The following IQGAP1 variants were observed in gnomAD, a reference collection of about 807,000 sequenced individuals.
IQGAP1 encodes the protein IQ motif containing GTPase activating protein 1.
IQGAP1 carries 66 observed loss-of-function variants against 215.6 expected under a neutral mutation model. The ratio of observed to expected loss-of-function variants is 0.31; its 90% CI spans 0.25 to 0.38. The LOEUF (loss-of-function observed/expected upper bound fraction) is 0.38. Among genes scored for constraint, IQGAP1 ranks in the 10% least tolerant of loss-of-function variants. IQGAP1 has a pLI of 1.00. For synonymous variants in IQGAP1, 772 were observed against 728.7 expected (o/e 1.06, Z -0.96); for missense variants, 1,712 against 1,997.1 (o/e 0.86, Z 2.72).
chr15:90,419,009 T>G (rs1463369675), intron 2 of IQGAP1, among the ~76,000 whole-genome samples: 1 of 152,036 alleles, frequency 6.6e-6, no homozygotes, highest in African/African-American at 2.4e-5. Flanking sequence ...TAGCCGGGTG[T>G]TGTGGCACAT....
intron 5 of IQGAP1, among the ~76,000 whole-genome samples, chr15:90,438,207 T>A (rs1318577572): frequency 6.6e-6 from 1 of 152,238 alleles, no homozygotes; most frequent in Non-Finnish European, 1.5e-5. Context: ...ATTTCCCTGC[T>A]TACTTTAAAC....
In IQGAP1 at chr15:90,390,868, G is replaced by A. The variant is rs1202956021; in HGVS notation, c.150G>A (p.Ala50=). Reference sequence around the variant, plus strand: ...AGTACCTTTGTCATTTGGAAGAAGCGAAGAGGTAAAGATTGGCTGGCTGGA... The same window carrying A: ...AGTACCTTTGTCATTTGGAAGAAGCAAAGAGGTAAAGATTGGCTGGCTGGA... The part of the protein sequence containing the change: ...AYEYLCHLEE[A]KRWMEACLGE... The change falls in exon 2 of 38, where the codon GCG becomes GCA. Residue 50 remains alanine (A), a synonymous_variant. Coordinates refer to ENST00000268182, the MANE Select transcript of IQGAP1 (RefSeq NM_003870.4). 8 of 1,594,828 alleles carry A rather than the reference G, an allele frequency of 5.0e-6. No individual in the cohort carries two copies. Among genetic ancestry groups the A allele is most frequent in the Admixed American group, 1.7e-5 (1 of 59,966 alleles).
chr15:90,479,807 T>A (rs1268328605), intron 26 of IQGAP1, among the ~76,000 whole-genome samples: 1 of 152,100 alleles, frequency 6.6e-6, no homozygotes, highest in African/African-American at 2.4e-5. Flanking sequence ...AGGTCTGTTA[T>A]CAGGACTCAG....
chr15:90,456,102 A>T (rs199769562), intron 14 of IQGAP1, 50 bp from the exon 15 acceptor site: 2 of 1,500,510 alleles, frequency 1.3e-6, no homozygotes, highest in East Asian at 2.3e-5. Context: ...TGATTTGTTT[A>T]TGTACTTCCT....
chr15:90,477,350 C>G, intron 25 of IQGAP1, 120 bp downstream of exon 25: 2 of 848,888 alleles, frequency 2.4e-6, no homozygotes, highest in Non-Finnish European at 3.6e-6. Flanking sequence ...AATACTTACT[C>G]TAAAGAAGCA....
intron 26 of IQGAP1, among the ~76,000 whole-genome samples, chr15:90,480,125 G>A (rs1217855496): frequency 6.6e-6 from 1 of 151,352 alleles, no homozygotes; most frequent in Non-Finnish European, 1.5e-5. Context: ...ATGGTGGCAT[G>A]CACCAGTAGT....
intron 33 of IQGAP1, 109 bp from the exon 34 acceptor site, chr15:90,491,224 A>G (rs6496678): frequency 0.35 from 305,839 of 864,112 alleles, 58,439 homozygotes; most frequent in African/African-American, 0.68. Context: ...CTTCTGTTTC[A>G]AGGTTGGAGT....
intron 4 of IQGAP1, chr15:90,429,888 G>T (rs1965278410): frequency 5.7e-6 from 2 of 349,578 alleles, no homozygotes; most frequent in African/African-American, 2.1e-5. Flanking sequence ...TCCCTGTGAT[G>T]ATATCTACTT....
At chr15:90,496,020 T>C (rs1686195609) in intron 36 of IQGAP1, among the ~76,000 whole-genome samples, 1 of 151,336 alleles carries the variant, frequency 6.6e-6, no homozygotes, top group African/African-American at 2.4e-5. Context: ...CTGTCTTCTT[T>C]TTAATTTGCT....
intron 30 of IQGAP1, among the ~76,000 whole-genome samples, chr15:90,485,706 C>G (rs1170292794): frequency 1.3e-5 from 2 of 152,124 alleles, no homozygotes; most frequent in African/African-American, 4.8e-5. Flanking sequence ...TCCCAAAATG[C>G]TAGAATTACA....
chr15:90,436,967 A>G (rs1965378742), intron 5 of IQGAP1, among the ~76,000 whole-genome samples: 1 of 152,352 alleles, frequency 6.6e-6, no homozygotes, highest in Middle Eastern at 3.4e-3. Context: ...CTGTGAAAGC[A>G]ACTGTATTAG....
intron 18 of IQGAP1, among the ~76,000 whole-genome samples, chr15:90,468,533 A>G (rs933148210): frequency 6.6e-6 from 1 of 152,330 alleles, no homozygotes; most frequent in African/African-American, 2.4e-5. Flanking sequence ...TTGGTATCAT[A>G]AAAGAAAAAA....
At chr15:90,415,641 C>A (rs1382523567) in intron 2 of IQGAP1, among the ~76,000 whole-genome samples, 2 of 152,184 alleles carry the variant, frequency 1.3e-5, no homozygotes, top group Non-Finnish European at 2.9e-5. Context: ...TGTGAGATTT[C>A]ACATCTTTCC....
intron 5 of IQGAP1, among the ~76,000 whole-genome samples, chr15:90,434,017 T>G (rs559431171): frequency 6.1e-4 from 93 of 152,270 alleles, no homozygotes; most frequent in African/African-American, 2.1e-3. Flanking sequence ...GTAATTTTCT[T>G]CTAAAAACAT....
At chr15:90,471,435 GCTTTCTCAAAGGT>G (rs948904165) in intron 18 of IQGAP1, among the ~76,000 whole-genome samples, 32 of 151,180 alleles carry the variant, frequency 2.1e-4, no homozygotes, top group African/African-American at 7.4e-4. Context: ...CTCTCAAGGA[GCTTTCTCAAAGGT>G]CTTGCCATAC....
intron 15 of IQGAP1, among the ~76,000 whole-genome samples, chr15:90,461,606 A>G (rs1056351112): frequency 1.3e-5 from 2 of 152,208 alleles, no homozygotes; most frequent in African/African-American, 2.4e-5. Flanking sequence ...TGGGAGGTCA[A>G]GGCAGGCGGA....
intron 15 of IQGAP1, among the ~76,000 whole-genome samples, chr15:90,464,792 C>T (rs990365169): frequency 9.3e-5 from 14 of 151,116 alleles, no homozygotes; most frequent in Admixed American, 6.6e-5. Context: ...GCAGAGCTTG[C>T]AGTGAGCCGA....
At chr15:90,492,442 G>A (rs1190842078) in intron 34 of IQGAP1, 103 bp from the exon 35 acceptor site, 27 of 460,264 alleles carry the variant, frequency 5.9e-5, no homozygotes, top group Non-Finnish European at 7.6e-5. Context: ...AAAAAAAAAA[G>A]TAGGTAGTCA....
chr15:90,414,663 A>T (rs1235994371), intron 2 of IQGAP1, among the ~76,000 whole-genome samples: 3 of 151,872 alleles, frequency 2.0e-5, no homozygotes, highest in East Asian at 3.9e-4. Context: ...GTGTTCTCTG[A>T]GGCACAGTGC....
Sources: gnomAD v4.1 joint callset for allele counts (sites outside exome capture counted in the v4.1 genomes callset) on GRCh38, gnomAD v4.1.1 for gene constraint, MANE v1.5 for transcripts, NCBI Gene and HGNC (gene_info 2026-07-23, HGNC 2026-07-21) for gene names.